The following HELZ variants were observed in gnomAD, a reference collection of about 807,000 sequenced individuals.
HELZ encodes the protein helicase with zinc finger, also known as ATP-dependent RNA helicase with zinc finger domain.
HELZ carries 23 observed loss-of-function variants against 218.2 expected under a neutral mutation model. The ratio of observed to expected loss-of-function variants is 0.11; its 90% CI spans 0.08 to 0.15. The LOEUF (loss-of-function observed/expected upper bound fraction) is 0.15. HELZ is among the 10% of genes least tolerant of loss of function. The probability of loss-of-function intolerance (pLI) is 1.00; values close to 1 mark genes in which losing one functional copy is unlikely to be tolerated. For missense variants in HELZ, 1,813 were observed against 2,353.7 expected, an observed-to-expected ratio of 0.77 and a Z score of 4.75; for synonymous variants, 814 against 829.4, an observed-to-expected ratio of 0.98 and a Z score of 0.32.
intron 26 of HELZ, among the ~76,000 whole-genome samples, chr17:67,121,759 G>A (rs567704181): frequency 3.9e-5 from 6 of 152,152 alleles, no homozygotes; most frequent in South Asian, 2.1e-4. Context: ...CAAGACGGAC[G>A]GCCTCTAAAA....
intron 31 of HELZ, among the ~76,000 whole-genome samples, chr17:67,098,745 A>G (rs2036829891): frequency 6.6e-6 from 1 of 152,296 alleles, no homozygotes; most frequent in African/African-American, 2.4e-5. Flanking sequence ...CTCCATCTCA[A>G]AAAGTAAAAA....
chr17:67,204,405 T>G (rs966750060), intron 5 of HELZ, among the ~76,000 whole-genome samples: 6 of 152,178 alleles, frequency 3.9e-5, no homozygotes, highest in Admixed American at 6.5e-5. Context: ...TGATCAATGT[T>G]CACAACATTT....
chr17:67,136,390 G>A (rs1428959718), intron 22 of HELZ, among the ~76,000 whole-genome samples, 192 bp from the exon 23 acceptor site: 2 of 152,190 alleles, frequency 1.3e-5, no homozygotes, highest in Non-Finnish European at 2.9e-5. Context: ...CAGTGTGGCA[G>A]TTCTTCAAAA....
rs1362769343 is a variant in HELZ, at chr17:67,178,761, G to C, written c.1328C>G (p.Thr443Ser). 5.6e-6 allele frequency: 9 copies of C among 1,613,938 alleles called. No individual in the cohort carries two copies. Among genetic ancestry groups the C allele is most frequent in the African/African-American group, 1.3e-5 (1 of 75,008 alleles). Residue 443 changes from threonine (T) to serine (S), a missense_variant, in exon 13 of 33, where the codon ACT (threonine) becomes AGT (serine). Thr to Ser is a moderately conservative substitution (Grantham distance 58, BLOSUM62 1). Around this residue, in one of 4 missense-constraint regions of HELZ, gnomAD observed 714 missense variants for 1,029.2 expected, o/e 0.69. Transcript: ENST00000358691. ...QIPLSADQLF[T>S]QSVLDKSLTK... ...CAATGATTTGTCTAAAACGGACTGA[G>C]TAAATAGCTGGTCAGCAGAGAGGGG...
Position 67,218,682 on chromosome 17 carries a change from C to A in HELZ, c.123G>T (p.Met41Ile), listed in dbSNP as rs1267908280. The A allele has an allele frequency of 6.2e-7, 1 of 1,614,004 alleles. No individual in the cohort carries two copies. The highest frequency in any genetic ancestry group is 1.7e-5 in the Admixed American group (1 of 59,994). The change falls in exon 4 of 33, where the codon ATG (methionine) becomes ATT (isoleucine). Residue 41 changes from methionine (M) to isoleucine (I), a missense_variant. Coordinates refer to ENST00000358691, the MANE Select transcript of HELZ (RefSeq NM_014877.4). ...ATGGACAAGGCCCTGTGAAGTCTGC[C>A]ATGGAGTACTGGCCAAGAGAAAGAA... ...EALLSLGQYS[M>I]ADFTGPCPLE...
intron 7 of HELZ, among the ~76,000 whole-genome samples, chr17:67,199,932 TC>T (rs2040126532): frequency 5.9e-5 from 9 of 152,292 alleles, no homozygotes; most frequent in Non-Finnish European, 1.3e-4. Context: ...GGCCACCAAA[TC>T]CAGTGATTTT....
chr17:67,187,792 C>T (rs979786070), intron 12 of HELZ, among the ~76,000 whole-genome samples: 5 of 152,032 alleles, frequency 3.3e-5, no homozygotes, highest in African/African-American at 1.2e-4. Context: ...GACCTCTTCC[C>T]AAAAACAAAG....
chr17:67,074,799 G>A lies in HELZ; in HGVS notation c.*3453C>T, dbSNP rs557755641. On this transcript the variant is annotated 3_prime_UTR_variant, in exon 33 of 33. Coordinates refer to ENST00000358691, the MANE Select transcript of HELZ (RefSeq NM_014877.4). Reference sequence around the variant, plus strand: ...TATTTTACTTATTCTGCAGTTCTCTGAACTGAAAAGACCAGTTGATGTTTA... The same window carrying A: ...TATTTTACTTATTCTGCAGTTCTCTAAACTGAAAAGACCAGTTGATGTTTA... 2.0e-5 allele frequency: 3 copies of A among 151,480 alleles called. No homozygotes were observed. In the South Asian group the frequency reaches 6.2e-4, roughly 32 times the overall value. 9.4% of individuals were successfully genotyped at this position (151,480 alleles called of 1,614,324 possible).
chr17:67,108,340 G>A lies in HELZ; in HGVS notation c.4724+152C>T. ...CTAAATGAGTTTTCTGTATTTTAGA[G>A]TCAACAAGAGAACTGTGTAGCGTGT... On this transcript the variant is annotated intron_variant, in intron 30 of 32. Coordinates refer to ENST00000358691, the MANE Select transcript of HELZ (RefSeq NM_014877.4). The surrounding 1 kb of genome is among the most constrained non-coding windows in gnomAD (Gnocchi z 4.1). 1 of 609,194 alleles carries A rather than the reference G, an allele frequency of 1.6e-6. No individual in the cohort carries two copies. Among genetic ancestry groups the A allele is most frequent in the East Asian group, 2.8e-5 (1 of 36,058 alleles). The allele number at this position is 609,194 out of a possible 1,614,324, so 37.7% of individuals were successfully genotyped here.
At chr17:67,193,702 C>T (rs565816941) in intron 9 of HELZ, among the ~76,000 whole-genome samples, 2 of 151,960 alleles carry the variant, frequency 1.3e-5, no homozygotes, top group African/African-American at 4.8e-5. Flanking sequence ...GGCAATAGGG[C>T]GAGACTCCAT....
chr17:67,239,870 C>G (rs1011562761), intron 2 of HELZ: 1 of 152,188 alleles, frequency 6.6e-6, no homozygotes, highest in Admixed American at 6.5e-5. Flanking sequence ...TTGAGTCACA[C>G]TTAAGCCTGA....
intron 5 of HELZ, among the ~76,000 whole-genome samples, chr17:67,208,837 T>G (rs2040373054): frequency 6.6e-6 from 1 of 151,530 alleles, no homozygotes; most frequent in South Asian, 2.1e-4. Context: ...CTTGGGAGGC[T>G]GGGGTGGGAG....
chr17:67,197,353 A>AT (rs1351742669), intron 7 of HELZ, among the ~76,000 whole-genome samples: 1 of 152,056 alleles, frequency 6.6e-6, no homozygotes, highest in African/African-American at 2.4e-5. Context: ...CTCTTTTGTA[A>AT]ATTGCCCAGT....
intron 8 of HELZ, among the ~76,000 whole-genome samples, chr17:67,194,950 C>A (rs778619789): frequency 6.6e-6 from 1 of 152,130 alleles, no homozygotes. Context: ...AAAGCCAATG[C>A]CCATAGTACA....
At chr17:67,079,178 T>C (rs2036109197) in intron 32 of HELZ, among the ~76,000 whole-genome samples, 1 of 152,252 alleles carries the variant, frequency 6.6e-6, no homozygotes, top group Non-Finnish European at 1.5e-5. Context: ...ATTTTATTGC[T>C]CACTAAACCA....
chr17:67,244,780 G>A (rs964948392), intron 1 of HELZ: 4 of 985,278 alleles, frequency 4.1e-6, no homozygotes, highest in Non-Finnish European at 4.8e-6. Flanking sequence ...CGACCCGGAG[G>A]AGGGGAACGT....
intron 21 of HELZ, among the ~76,000 whole-genome samples, chr17:67,142,469 C>T (rs760264368): frequency 7.2e-5 from 11 of 152,192 alleles, no homozygotes; most frequent in South Asian, 2.1e-4. Flanking sequence ...AATCATGTCA[C>T]TGCCTTCCAG....
rs942972004 is a variant in HELZ, at chr17:67,107,664, T to G, written c.4746A>C (p.Glu1582Asp). Residue 1582 changes from glutamate to aspartate, a missense_variant, in exon 31 of 33, where the codon GAA becomes GAC. By Grantham distance (45) the Glu-to-Asp change is conservative. This residue lies in a region of HELZ where 938 missense variants were observed against 1,027.5 expected (regional missense o/e 0.91). Coordinates refer to ENST00000358691, the MANE Select transcript of HELZ (RefSeq NM_014877.4). ...TTTCACTTTGATCACGATGAGACAG[T>G]TCTCTGATTAAGTCTTGAAACCTAC... ...TYSRFQDLIRELSHRDQSETR... is the reference protein window; with the variant it reads ...TYSRFQDLIRDLSHRDQSETR... 6.2e-7 allele frequency: 1 copy of G among 1,613,078 alleles called. No individual in the cohort carries two copies. The highest frequency in any genetic ancestry group is 1.3e-5 in the African/African-American group (1 of 74,866).
At position 67,194,146 on chromosome 17, in the gene HELZ, T is replaced by C. The variant is rs1039030180; in HGVS notation, c.482-104A>G. 1.6e-5 allele frequency: 12 copies of C among 760,818 alleles called. No individual in the cohort carries two copies. The African/African-American group carries it at 1.6e-4, about 10-fold the overall frequency. The allele number at this position is 760,818 out of a possible 1,614,324, so 47.1% of individuals were successfully genotyped here. On this transcript the variant is annotated intron_variant, in intron 8 of 32. Transcript: ENST00000358691. ...CAATCCCTCCACATACATCATCCCA[T>C]ATGATGTAAAAAAGAACATGACATA... is the stretch of plus-strand genomic sequence containing the variant.
Sources: gnomAD v4.1 joint callset for allele counts (sites outside exome capture counted in the v4.1 genomes callset) on GRCh38, gnomAD v4.1.1 for gene constraint, gnomAD v4.1.1 regional missense constraint, Gnocchi (gnomAD v3.1) non-coding constraint, MANE v1.5 for transcripts, NCBI Gene and HGNC (gene_info 2026-07-23, HGNC 2026-07-21) for gene names.